PCDHGA5: variants seen among roughly 807,000 people sequenced by gnomAD.
PCDHGA5 encodes protocadherin gamma-A5.
Under a neutral mutation model 56.7 loss-of-function variants are expected in PCDHGA5, and 36 were observed. The observed-to-expected ratio is 0.64, with a 90% CI of 0.49 to 0.84. The LOEUF is 0.84. PCDHGA5 is among the 40% of genes least tolerant of loss of function. PCDHGA5 has a pLI of 0.00. For missense variants in PCDHGA5, 1,305 were observed against 1,201.5 expected, an observed-to-expected ratio of 1.09 and a Z score of -1.27; for synonymous variants, 563 against 520.2, an observed-to-expected ratio of 1.08 and a Z score of -1.12.
At chr5:141,390,382 T>C in intron 1 of PCDHGA5, 2 of 1,443,060 alleles carry the variant, frequency 1.4e-6, no homozygotes, top group South Asian at 1.3e-5. Context: ...AATTTTTAGA[T>C]GTCATGGATC....
rs544928184 is a variant in PCDHGA5 at position 141,366,069 on chromosome 5, G to A, written c.1739G>A (p.Arg580His). The A allele has an allele frequency of 6.2e-6, 10 of 1,614,216 alleles. No individual in the cohort carries two copies. The highest frequency in any genetic ancestry group is 8.5e-6 in the Non-Finnish European group (10 of 1,180,050). Residue 580 changes from arginine to histidine, a missense_variant, in exon 1 of 4, where the codon CGC becomes CAC. Transcript: ENST00000518069. Reference sequence around the variant, plus strand: ...TCCACGGGCGTGGAGCTGGCGCCTCGCTCCGCAGAACCTGGCTACCTGGTG... The same window carrying A: ...TCCACGGGCGTGGAGCTGGCGCCTCACTCCGCAGAACCTGGCTACCTGGTG... Reference protein sequence around the residue: ...DGSTGVELAPRSAEPGYLVTK... With the variant: ...DGSTGVELAPHSAEPGYLVTK...
In PCDHGA5 at chr5:141,433,028, G is replaced by T. The variant is rs539293579; in HGVS notation, c.2422-61779G>T. 27 of 1,614,116 alleles carry T rather than the reference G, an allele frequency of 1.7e-5. No individual in the cohort carries two copies. The highest frequency in any genetic ancestry group is 6.7e-5 in the Admixed American group (4 of 60,018). On this transcript the variant is annotated intron_variant, in intron 1 of 3. Coordinates refer to ENST00000518069, the MANE Select transcript of PCDHGA5 (RefSeq NM_018918.3). ...TTTCCTGCAGACCTATTCCCACGAG[G>T]TTTCCCTCACCACGGACTCGCGGAA...
At chr5:141,495,073 C>T (rs1464039604) in intron 2 of PCDHGA5, among the ~76,000 whole-genome samples, 1 of 152,186 alleles carries the variant, frequency 6.6e-6, no homozygotes, top group Non-Finnish European at 1.5e-5. Flanking sequence ...GCTCAATTCA[C>T]ATGCTTGCCC....
chr5:141,449,724 A>AT (rs911465424), intron 1 of PCDHGA5, among the ~76,000 whole-genome samples: 1 of 151,176 alleles, frequency 6.6e-6, no homozygotes, highest in African/African-American at 2.4e-5. Context: ...ATATGATATG[A>AT]TTTTTTTATG....
In PCDHGA5 at chr5:141,417,713, C is replaced by T. The variant is rs905298887; in HGVS notation, c.2421+50962C>T. 1.3e-4 allele frequency: 160 copies of T among 1,271,624 alleles called. No homozygotes were observed. In the Admixed American group the frequency reaches 4.6e-3, roughly 37 times the overall value. The allele number at this position is 1,271,624 out of a possible 1,614,324, so 78.8% of individuals were successfully genotyped here. On this transcript the variant is annotated intron_variant, in intron 1 of 3. Transcript: ENST00000518069. ...AAACCAGCTCCCACACAGAGGCTCC[C>T]GGCTGCGCAGACCTTGCCCAGCACA... is the stretch of plus-strand genomic sequence containing the variant.
At chr5:141,406,259 ATCT>A (rs1419106691) in intron 1 of PCDHGA5, among the ~76,000 whole-genome samples, 1 of 151,904 alleles carries the variant, frequency 6.6e-6, no homozygotes, top group East Asian at 1.9e-4. Flanking sequence ...GTCTCAAACG[ATCT>A]TCCTGCTTCA....
intron 2 of PCDHGA5, among the ~76,000 whole-genome samples, chr5:141,500,180 TTA>T (rs2099797073): frequency 7.1e-6 from 1 of 140,608 alleles, no homozygotes; most frequent in African/African-American, 2.8e-5. Flanking sequence ...AGCTTCATTT[TTA>T]TTTTTATTTA....
intron 1 of PCDHGA5, chr5:141,384,315 C>G (rs1465826601): frequency 6.2e-7 from 1 of 1,613,878 alleles, no homozygotes; most frequent in Non-Finnish European, 8.5e-7. Flanking sequence ...CCTCCATTTT[C>G]TTAGTGACTG....
intron 1 of PCDHGA5, chr5:141,416,068 A>G (rs940843403): frequency 1.2e-5 from 2 of 173,694 alleles, no homozygotes; most frequent in Non-Finnish European, 2.4e-5. Context: ...AGAATACTCA[A>G]TGCAGTTCTT....
intron 1 of PCDHGA5, chr5:141,376,537 G>A (rs753618601): frequency 1.2e-6 from 2 of 1,613,388 alleles, no homozygotes; most frequent in African/African-American, 1.3e-5. Context: ...AGCGGGAAGA[G>A]TAATCTGATC....
At chr5:141,381,038 T>G (rs1422573690) in intron 1 of PCDHGA5, among the ~76,000 whole-genome samples, 1 of 152,262 alleles carries the variant, frequency 6.6e-6, no homozygotes, top group Non-Finnish European at 1.5e-5. Context: ...TTAAACAAAA[T>G]TTATCTACTT....
intron 3 of PCDHGA5, among the ~76,000 whole-genome samples, chr5:141,509,518 T>A (rs1441963133): frequency 6.6e-6 from 1 of 152,170 alleles, no homozygotes; most frequent in Non-Finnish European, 1.5e-5. Context: ...GTTGATGATG[T>A]ATTGCACAGG....
intron 3 of PCDHGA5, among the ~76,000 whole-genome samples, chr5:141,509,633 GA>G (rs2099877629): frequency 6.6e-6 from 1 of 152,204 alleles, no homozygotes; most frequent in Non-Finnish European, 1.5e-5. Flanking sequence ...GGGTGATGCT[GA>G]GCCAGGGCCA....
In PCDHGA5 at chr5:141,487,869, G is replaced by T; in HGVS notation, c.2422-6938G>T. On this transcript the variant is annotated intron_variant, in intron 1 of 3. Transcript: ENST00000518069. This position sits in a 1 kb window ranked among gnomAD's most constrained non-coding sequence, Gnocchi z 5.0. ...AAATGAAAGTAATTGGTGATCAAGA[G>T]CCAGGCTGTTGTGGAAGCATGATGA... 1.1e-6 allele frequency: 1 copy of T among 871,620 alleles called. No individual in the cohort carries two copies. The highest frequency in any genetic ancestry group is 1.7e-6 in the Non-Finnish European group (1 of 574,346). The allele number at this position is 871,620 out of a possible 1,614,324, so 54.0% of individuals were successfully genotyped here. A position where few individuals can be genotyped will look rare whatever the true frequency, so the allele number is the denominator to read the frequency against.
chr5:141,399,859 G>A (rs2093908235), intron 1 of PCDHGA5: 1 of 1,612,726 alleles, frequency 6.2e-7, no homozygotes, highest in Admixed American at 1.7e-5. Flanking sequence ...GCCGCGCGCT[G>A]CAGAGCCCGG....
At chr5:141,423,210 C>T in intron 1 of PCDHGA5, 2 of 1,613,696 alleles carry the variant, frequency 1.2e-6, no homozygotes, top group Non-Finnish European at 1.7e-6. Flanking sequence ...CCGTCACGCT[C>T]ACCGTGGCTG....
chr5:141,448,426 T>C (rs892222815), intron 1 of PCDHGA5, among the ~76,000 whole-genome samples: 1 of 152,164 alleles, frequency 6.6e-6, no homozygotes, highest in Non-Finnish European at 1.5e-5. Context: ...ATACTATGTA[T>C]ATATTGAGAA....
At chr5:141,422,957 A>C in intron 1 of PCDHGA5, 1 of 1,614,190 alleles carries the variant, frequency 6.2e-7, no homozygotes. Flanking sequence ...ACTGGCGTGG[A>C]GCTGGCGCCC....
intron 1 of PCDHGA5, among the ~76,000 whole-genome samples, chr5:141,407,382 A>G (rs1158380926): frequency 6.6e-6 from 1 of 152,218 alleles, no homozygotes; most frequent in Non-Finnish European, 1.5e-5. Context: ...GAAGGCTTGT[A>G]TGTCATGGTA....
Sources: gnomAD v4.1 joint callset for allele counts (sites outside exome capture counted in the v4.1 genomes callset) on GRCh38, gnomAD v4.1.1 for gene constraint, Gnocchi (gnomAD v3.1) non-coding constraint, MANE v1.5 for transcripts, NCBI Gene and HGNC (gene_info 2026-07-23, HGNC 2026-07-21) for gene names.